CHST11: variants seen among roughly 807,000 people sequenced by gnomAD.
CHST11 encodes the protein carbohydrate sulfotransferase 11.
Under a neutral mutation model 30.4 loss-of-function variants are expected in CHST11, and 9 were observed. That is an observed-to-expected ratio of 0.30 (90% CI 0.18 to 0.52). CHST11 has a LOEUF of 0.52. Among genes scored for constraint, CHST11 ranks in the 20% least tolerant of loss-of-function variants. CHST11 has a pLI of 0.97. For synonymous variants in CHST11, 152 were observed against 187.8 expected (o/e 0.81, Z 1.56); for missense variants, 348 against 460.6 (o/e 0.76, Z 2.24).
chr12:104,462,822 G>C (rs2037422513), intron 1 of CHST11, among the ~76,000 whole-genome samples: 1 of 151,996 alleles, frequency 6.6e-6, no homozygotes, highest in Non-Finnish European at 1.5e-5. Flanking sequence ...TTTAGCATGG[G>C]GTCTCTCCTT....
At position 104,457,383 on chromosome 12, in the gene CHST11, A is replaced by C; in HGVS notation, c.-29A>C. On this transcript the variant is annotated 5_prime_UTR_variant, in exon 1 of 3. Transcript: ENST00000303694. ...TGCGCCCCGGGCGCGCTTCCCGGAC[A>C]CCCCGGTCCCCGCAGCCAGGACAAA... The C allele has an allele frequency of 6.4e-7, 1 of 1,561,540 alleles. No homozygotes were observed.
intron 2 of CHST11, among the ~76,000 whole-genome samples, chr12:104,674,765 G>T (rs1276015607): frequency 2.0e-5 from 3 of 151,768 alleles, no homozygotes; most frequent in Admixed American, 1.3e-4. Flanking sequence ...TCTCTCACTG[G>T]TTTTGCAGTT....
intron 2 of CHST11, among the ~76,000 whole-genome samples, chr12:104,709,819 TAAC>T (rs1356937543): frequency 6.6e-6 from 1 of 152,138 alleles, no homozygotes; most frequent in Non-Finnish European, 1.5e-5. Context: ...CTTTTTGAAA[TAAC>T]AAAAACTGAA....
chr12:104,697,168 C>A (rs1368447056), intron 2 of CHST11, among the ~76,000 whole-genome samples: 5 of 152,156 alleles, frequency 3.3e-5, no homozygotes, highest in Non-Finnish European at 7.4e-5. Flanking sequence ...TGGATGGGGA[C>A]CCCGATTTCC....
intron 1 of CHST11, among the ~76,000 whole-genome samples, chr12:104,532,991 G>A (rs2038200884): frequency 6.6e-6 from 1 of 152,088 alleles, no homozygotes; most frequent in Admixed American, 6.5e-5. Flanking sequence ...GCCCAGGCTG[G>A]TCTTGAACTC....
chr12:104,712,878 T>TA (rs2040098724), intron 2 of CHST11, among the ~76,000 whole-genome samples: 1 of 152,114 alleles, frequency 6.6e-6, no homozygotes, highest in Non-Finnish European at 1.5e-5. Context: ...CCTGGCAACT[T>TA]AAAGTCTTCC....
At chr12:104,696,248 T>G (rs1347942981) in intron 2 of CHST11, among the ~76,000 whole-genome samples, 1 of 151,828 alleles carries the variant, frequency 6.6e-6, no homozygotes, top group African/African-American at 2.4e-5. Flanking sequence ...GCAGATGATA[T>G]AATAAACACT....
At chr12:104,499,331 G>T (rs542667030) in intron 1 of CHST11, among the ~76,000 whole-genome samples, 4 of 152,296 alleles carry the variant, frequency 2.6e-5, no homozygotes, top group African/African-American at 9.6e-5. Context: ...TGGGGCCCCA[G>T]AAGCTCAGTT....
chr12:104,666,790 C>A (rs35414528), intron 2 of CHST11, among the ~76,000 whole-genome samples: 22,611 of 152,142 alleles, frequency 0.15, 1,916 homozygotes, highest in African/African-American at 0.23. Flanking sequence ...GGTACCTCAT[C>A]AGAGAGGCGG....
chr12:104,716,482 T>C (rs1183980713), intron 2 of CHST11, among the ~76,000 whole-genome samples: 3 of 152,260 alleles, frequency 2.0e-5, no homozygotes, highest in Admixed American at 6.5e-5. Context: ...CACATTGCCA[T>C]GCACGTAGTA....
chr12:104,519,833 T>C (rs1451383026), intron 1 of CHST11, among the ~76,000 whole-genome samples: 1 of 152,210 alleles, frequency 6.6e-6, no homozygotes, highest in African/African-American at 2.4e-5. Context: ...TCCTGTGCTG[T>C]GGCAGGACCA....
intron 2 of CHST11, among the ~76,000 whole-genome samples, chr12:104,750,690 C>T (rs1039076444): frequency 2.0e-5 from 3 of 151,596 alleles, no homozygotes; most frequent in Non-Finnish European, 4.4e-5. Context: ...GTGATCCACT[C>T]GCCTCAGCCT....
At chr12:104,502,576 C>T (rs1003861556) in intron 1 of CHST11, among the ~76,000 whole-genome samples, 1 of 152,104 alleles carries the variant, frequency 6.6e-6, no homozygotes, top group Non-Finnish European at 1.5e-5. Flanking sequence ...TAACTTTTAG[C>T]CCTACTCCCC....
intron 2 of CHST11, among the ~76,000 whole-genome samples, chr12:104,665,227 T>G (rs1439246643): frequency 6.6e-6 from 1 of 152,200 alleles, no homozygotes; most frequent in South Asian, 2.1e-4. Flanking sequence ...GTGGCCTTGG[T>G]TATGTCACTG....
At chr12:104,744,685 A>G (rs549280856) in intron 2 of CHST11, among the ~76,000 whole-genome samples, 99 of 152,124 alleles carry the variant, frequency 6.5e-4, no homozygotes, top group African/African-American at 2.2e-3. Context: ...TCCCGTGTGT[A>G]TGTCCTGAGT....
chr12:104,641,055 C>T (rs369701638), intron 2 of CHST11, among the ~76,000 whole-genome samples: 1 of 152,184 alleles, frequency 6.6e-6, no homozygotes, highest in Non-Finnish European at 1.5e-5. Context: ...AGAGGGACAG[C>T]TTGATGGCAT....
At chr12:104,679,327 G>A (rs1205000193) in intron 2 of CHST11, among the ~76,000 whole-genome samples, 1 of 152,036 alleles carries the variant, frequency 6.6e-6, no homozygotes, top group South Asian at 2.1e-4. Flanking sequence ...GGCCAGGAGA[G>A]AGGCGAAGGG....
chr12:104,508,662 A>G (rs1447008831), intron 1 of CHST11, among the ~76,000 whole-genome samples: 1 of 152,170 alleles, frequency 6.6e-6, no homozygotes, highest in East Asian at 1.9e-4. Flanking sequence ...TTATCCAACC[A>G]TCAGCTTTAT....
Position 104,578,646 on chromosome 12 carries a change from T to A in CHST11, c.119-23260T>A, listed in dbSNP as rs554565032. ...CCCAGAATCCCTAAGTCCTGTCTGA[T>A]ACTATTTAGTCACTGTCCTTGCAGT... On this transcript the variant is annotated intron_variant, in intron 1 of 2. Coordinates refer to ENST00000303694, the MANE Select transcript of CHST11 (RefSeq NM_018413.6). Among the ~76,000 whole-genome samples, 3 of 152,350 alleles carry A rather than the reference T, an allele frequency of 2.0e-5. No homozygotes were observed. The South Asian group carries it at 6.2e-4, about 32-fold the overall frequency.
Sources: gnomAD v4.1 joint callset for allele counts (sites outside exome capture counted in the v4.1 genomes callset) on GRCh38, gnomAD v4.1.1 for gene constraint, MANE v1.5 for transcripts, NCBI Gene and HGNC (gene_info 2026-07-23, HGNC 2026-07-21) for gene names.